Variants in SCLT1 observed in about 807,000 individuals in gnomAD.
The protein encoded by SCLT1 is sodium channel and clathrin linker 1, also known as sodium channel-associated protein 1.
A neutral mutation model predicts 112.8 loss-of-function variants in SCLT1; 78 were observed. The observed-to-expected ratio is 0.69, with a 90% CI of 0.58 to 0.83. The LOEUF (loss-of-function observed/expected upper bound fraction) is 0.83. Among genes scored for constraint, SCLT1 ranks in the 40% least tolerant of loss-of-function variants. The pLI is 0.00. For synonymous variants in SCLT1, 257 were observed against 254.7 expected (o/e 1.01, Z -0.09); for missense variants, 747 against 770.4 (o/e 0.97, Z 0.36).
intron 2 of SCLT1, among the ~76,000 whole-genome samples, chr4:129,058,839 C>T (rs997011562): frequency 9.2e-5 from 14 of 152,068 alleles, no homozygotes; most frequent in African/African-American, 3.1e-4. Flanking sequence ...GTCTATCTAT[C>T]ACTTTAGATA....
chr4:129,017,888 G>A (rs1745129817), intron 5 of SCLT1, among the ~76,000 whole-genome samples: 1 of 152,116 alleles, frequency 6.6e-6, no homozygotes, highest in African/African-American at 2.4e-5. Flanking sequence ...TGTAAGTTCT[G>A]GAAAAAAAGT....
chr4:128,936,142 T>C (rs964603529), intron 18 of SCLT1, among the ~76,000 whole-genome samples: 2 of 152,146 alleles, frequency 1.3e-5, no homozygotes, highest in South Asian at 2.1e-4. Context: ...TTTTATTTTT[T>C]AGAGTAGTTT....
At chr4:129,066,897 G>A (rs1272549665) in intron 2 of SCLT1, among the ~76,000 whole-genome samples, 3 of 152,042 alleles carry the variant, frequency 2.0e-5, no homozygotes, top group Non-Finnish European at 2.9e-5. Flanking sequence ...GTTAAGGATA[G>A]TAATTACCAC....
chr4:128,892,418 G>A (rs1366622393), intron 18 of SCLT1, among the ~76,000 whole-genome samples: 2 of 152,152 alleles, frequency 1.3e-5, no homozygotes, highest in Non-Finnish European at 2.9e-5. Context: ...ATTTGGCTTA[G>A]GTGAAATCCT....
intron 18 of SCLT1, among the ~76,000 whole-genome samples, chr4:128,918,693 C>A (rs1735656044): frequency 6.6e-6 from 1 of 152,014 alleles, no homozygotes; most frequent in African/African-American, 2.4e-5. Context: ...AGGAACCCAT[C>A]TCACATGCAA....
chr4:129,091,170 A>C (rs1752793158), intron 1 of SCLT1, among the ~76,000 whole-genome samples: 1 of 152,132 alleles, frequency 6.6e-6, no homozygotes, highest in Non-Finnish European at 1.5e-5. Flanking sequence ...TGGCATGCAA[A>C]ATCCGGTTAA....
chr4:129,043,996 TG>T lies in SCLT1; in HGVS notation c.157del (p.Gln53LysfsTer4). 6.8e-7 allele frequency: 1 copy of T among 1,477,998 alleles called. No individual in the cohort carries two copies. The highest frequency in any genetic ancestry group is 9.4e-7 in the Non-Finnish European group (1 of 1,063,898). 91.6% of individuals were successfully genotyped at this position (1,477,998 alleles called of 1,614,324 possible). ...DDTFENLVFD[Q>X]SFLAPLVTEY... ...TATTATTCTGGTAATACTTTACCTT[TG>T]GTCAAATACTAGGTTTTCAAATGTG... On this transcript the variant is annotated frameshift_variant, in exon 3 of 21. Transcript: ENST00000281142. LOFTEE classifies it high-confidence loss of function.
chr4:129,061,033 C>T (rs1749918722), intron 2 of SCLT1, among the ~76,000 whole-genome samples: 1 of 151,998 alleles, frequency 6.6e-6, no homozygotes. Context: ...ACAGCACTGG[C>T]CCAACTCCTG....
At chr4:129,051,378 G>C (rs184535740) in intron 2 of SCLT1, among the ~76,000 whole-genome samples, 15 of 152,012 alleles carry the variant, frequency 9.9e-5, no homozygotes, top group Admixed American at 3.9e-4. Context: ...TTTTTCCATT[G>C]GTTTGTGTCC....
chr4:128,958,472 G>A (rs73847311), intron 12 of SCLT1, among the ~76,000 whole-genome samples: 1 of 152,148 alleles, frequency 6.6e-6, no homozygotes, highest in Admixed American at 6.5e-5. Flanking sequence ...GCCTCTGTGA[G>A]CGTCTGTTGA....
At chr4:129,071,863 G>GT (rs1005659831) in intron 2 of SCLT1, among the ~76,000 whole-genome samples, 61 of 152,038 alleles carry the variant, frequency 4.0e-4, no homozygotes, top group African/African-American at 1.4e-3. Flanking sequence ...GTGTACTTTG[G>GT]TTTTTTTGTT....
chr4:128,901,826 A>T (rs185684028), intron 18 of SCLT1, among the ~76,000 whole-genome samples: 162 of 152,334 alleles, frequency 1.1e-3, no homozygotes, highest in African/African-American at 3.8e-3. Flanking sequence ...ATCCTGTATT[A>T]TAATGCTAGT....
intron 2 of SCLT1, among the ~76,000 whole-genome samples, chr4:129,045,174 T>C (rs2125701744): frequency 6.6e-6 from 1 of 152,138 alleles, no homozygotes; most frequent in African/African-American, 2.4e-5. Context: ...GACCTTGAGT[T>C]AGACAATGCT....
intron 11 of SCLT1, among the ~76,000 whole-genome samples, chr4:128,964,393 C>A (rs1157046104): frequency 6.6e-6 from 1 of 152,214 alleles, no homozygotes; most frequent in East Asian, 1.9e-4. Flanking sequence ...GTAAAGGTAT[C>A]CGAAGGGCCA....
intron 2 of SCLT1, among the ~76,000 whole-genome samples, chr4:129,067,778 C>T (rs1226994853): frequency 1.3e-5 from 2 of 151,882 alleles, no homozygotes; most frequent in African/African-American, 4.8e-5. Context: ...TCCCTAAGTG[C>T]TGGGATTACA....
intron 2 of SCLT1, among the ~76,000 whole-genome samples, chr4:129,074,492 G>GA (rs1561054613): frequency 1.3e-5 from 2 of 151,766 alleles, no homozygotes; most frequent in Non-Finnish European, 1.5e-5. Flanking sequence ...ACTTTTAGAA[G>GA]AAAAAACTCC....
chr4:129,074,489 G>A (rs878872439), intron 2 of SCLT1, among the ~76,000 whole-genome samples: 68 of 151,970 alleles, frequency 4.5e-4, no homozygotes, highest in African/African-American at 1.5e-3. Flanking sequence ...GAAACTTTTA[G>A]AAGAAAAAAC....
At chr4:129,047,153 T>C (rs1748257912) in intron 2 of SCLT1, among the ~76,000 whole-genome samples, 1 of 152,132 alleles carries the variant, frequency 6.6e-6, no homozygotes. Context: ...TTATTTCGTT[T>C]ATGATTAGTG....
chr4:128,911,357 C>T (rs1406088988), intron 18 of SCLT1, among the ~76,000 whole-genome samples: 1 of 152,152 alleles, frequency 6.6e-6, no homozygotes, highest in Non-Finnish European at 1.5e-5. Context: ...AGATACTATA[C>T]ACTAATAAGT....
Sources: gnomAD v4.1 joint callset for allele counts (sites outside exome capture counted in the v4.1 genomes callset) on GRCh38, gnomAD v4.1.1 for gene constraint, MANE v1.5 for transcripts, NCBI Gene and HGNC (gene_info 2026-07-23, HGNC 2026-07-21) for gene names.